GDPD4: variants seen among roughly 807,000 people sequenced by gnomAD.
GDPD4 encodes the protein glycerophosphodiester phosphodiesterase domain containing 4.
In GDPD4, 60 loss-of-function variants were observed where a neutral mutation model predicts 67.8. The observed-to-expected ratio is 0.88, with a 90% CI of 0.72 to 1.10. The LOEUF (loss-of-function observed/expected upper bound fraction) is 1.10, where lower values mean the gene tolerates loss of function less well. Ranked by LOEUF, GDPD4 falls within the 50% of genes least tolerant of loss-of-function variation. The pLI is 0.00. For synonymous variants in GDPD4, 212 were observed against 210.9 expected (o/e 1.00, Z -0.04); for missense variants, 623 against 613.9 (o/e 1.01, Z -0.16).
intron 1 of GDPD4, among the ~76,000 whole-genome samples, chr11:77,290,283 G>A (rs552985211): frequency 9.9e-5 from 15 of 152,284 alleles, no homozygotes; most frequent in African/African-American, 3.6e-4. Context: ...GATATATACA[G>A]AACATTTTAT....
At chr11:77,228,234 C>T (rs995293551) in intron 15 of GDPD4, among the ~76,000 whole-genome samples, 1 of 151,942 alleles carries the variant, frequency 6.6e-6, no homozygotes, top group African/African-American at 2.4e-5. Context: ...CAGGGTGGCT[C>T]ACCCCTGTAA....
At chr11:77,273,692 T>G (rs988180256) in intron 5 of GDPD4, among the ~76,000 whole-genome samples, 2 of 152,248 alleles carry the variant, frequency 1.3e-5, no homozygotes, top group African/African-American at 4.8e-5. Flanking sequence ...TTCTGATTGT[T>G]TGGTTATCTG....
At chr11:77,288,230 C>T in intron 1 of GDPD4, among the ~76,000 whole-genome samples, 1 of 152,194 alleles carries the variant, frequency 6.6e-6, no homozygotes, top group East Asian at 1.9e-4. Context: ...GGCCCCCTAA[C>T]ACTACTGCCA....
At chr11:77,264,905 T>C (rs995098410) in intron 10 of GDPD4, among the ~76,000 whole-genome samples, 2 of 152,150 alleles carry the variant, frequency 1.3e-5, no homozygotes, top group African/African-American at 4.8e-5. Context: ...AGTTGCCCTT[T>C]TGTAAAGGAA....
chr11:77,295,258 G>A (rs1937916404), intron 1 of GDPD4, among the ~76,000 whole-genome samples: 1 of 151,746 alleles, frequency 6.6e-6, no homozygotes, highest in Admixed American at 6.6e-5. Flanking sequence ...AAAGTGCTGG[G>A]ATTACAGGCA....
chr11:77,296,054 A>G (rs572411108), intron 1 of GDPD4, among the ~76,000 whole-genome samples: 1 of 151,900 alleles, frequency 6.6e-6, no homozygotes, highest in Non-Finnish European at 1.5e-5. Flanking sequence ...GATTGAGACC[A>G]TCCCGACTAA....
chr11:77,259,258 G>A (rs931565550), intron 10 of GDPD4, among the ~76,000 whole-genome samples: 1 of 152,050 alleles, frequency 6.6e-6, no homozygotes, highest in Non-Finnish European at 1.5e-5. Flanking sequence ...GGGATTATAG[G>A]CATGAGCCAC....
chr11:77,235,442 A>G (rs964963557), intron 13 of GDPD4, among the ~76,000 whole-genome samples: 1 of 152,236 alleles, frequency 6.6e-6, no homozygotes, highest in African/African-American at 2.4e-5. Context: ...ATATAGCTAC[A>G]GTAAGCAAGC....
At chr11:77,245,649 G>A (rs1958767562) in intron 11 of GDPD4, 147 bp from the exon 12 acceptor site, 1 of 616,004 alleles carries the variant, frequency 1.6e-6, no homozygotes, top group Admixed American at 2.9e-5. Context: ...CAGGTGACAA[G>A]GAGAGAAATA....
chr11:77,249,264 CAAAA>C (rs34998852), intron 11 of GDPD4, among the ~76,000 whole-genome samples: 1 of 77,798 alleles, frequency 1.3e-5, no homozygotes. Flanking sequence ...GACTCCATCT[CAAAA>C]AAAAAAAAAA....
chr11:77,296,502 A>G, intron 1 of GDPD4, among the ~76,000 whole-genome samples: 1 of 150,452 alleles, frequency 6.6e-6, no homozygotes, highest in East Asian at 2.1e-4. Flanking sequence ...TTGTATTTTT[A>G]GTAGAAACAG....
chr11:77,281,201 A>G (rs942667166), intron 3 of GDPD4, among the ~76,000 whole-genome samples: 1 of 152,180 alleles, frequency 6.6e-6, no homozygotes, highest in African/African-American at 2.4e-5. Context: ...CATTATAACA[A>G]TGTTTAAAGA....
At chr11:77,296,135 C>A (rs1200024612) in intron 1 of GDPD4, among the ~76,000 whole-genome samples, 1 of 150,766 alleles carries the variant, frequency 6.6e-6, no homozygotes, top group Non-Finnish European at 1.5e-5. Flanking sequence ...CCTATAGTCC[C>A]AGCTACTCAG....
At chr11:77,257,340 G>A (rs1299761240) in intron 11 of GDPD4, among the ~76,000 whole-genome samples, 1 of 152,118 alleles carries the variant, frequency 6.6e-6, no homozygotes, top group African/African-American at 2.4e-5. Context: ...TCTATCTTGA[G>A]AAAGTAGGCT....
intron 1 of GDPD4, among the ~76,000 whole-genome samples, chr11:77,290,224 G>T (rs879301959): frequency 6.6e-6 from 1 of 152,164 alleles, no homozygotes; most frequent in African/African-American, 2.4e-5. Flanking sequence ...AATCTTACAC[G>T]ATAGGAGAGG....
At chr11:77,295,095 G>A (rs1001633824) in intron 1 of GDPD4, among the ~76,000 whole-genome samples, 27 of 150,868 alleles carry the variant, frequency 1.8e-4, no homozygotes, top group Non-Finnish European at 5.9e-5. Flanking sequence ...CTCTTGAGTA[G>A]CGGGGACTAC....
intron 1 of GDPD4, among the ~76,000 whole-genome samples, chr11:77,300,719 T>C (rs1938132403): frequency 6.6e-6 from 1 of 152,200 alleles, no homozygotes; most frequent in African/African-American, 2.4e-5. Flanking sequence ...CTTAAGAATA[T>C]ATCTTCTGAC....
chr11:77,251,242 A>T (rs1442229267), intron 11 of GDPD4, among the ~76,000 whole-genome samples: 1 of 151,796 alleles, frequency 6.6e-6, no homozygotes, highest in East Asian at 1.9e-4. Flanking sequence ...TTTCAGTCTG[A>T]TGGTCTTCTG....
chr11:77,232,626 T>G (rs1298652005), intron 14 of GDPD4, among the ~76,000 whole-genome samples: 1 of 152,210 alleles, frequency 6.6e-6, no homozygotes, highest in East Asian at 1.9e-4. Flanking sequence ...CGTTGTCAAT[T>G]GTTGCCATGC....
Sources: allele counts gnomAD v4.1 joint callset (sites outside exome capture counted in the v4.1 genomes callset), GRCh38; gene constraint gnomAD v4.1.1; transcripts MANE v1.5; gene names NCBI Gene and HGNC (gene_info 2026-07-23, HGNC 2026-07-21).